Variants in RELCH observed in about 807,000 individuals in gnomAD.
RELCH encodes RAB11-binding protein RELCH.
A neutral mutation model predicts 150.3 loss-of-function variants in RELCH; 41 were observed. The observed-to-expected ratio is 0.27, with a 90% CI of 0.21 to 0.35. RELCH has a LOEUF of 0.35. RELCH is among the 10% of genes least tolerant of loss of function. RELCH has a pLI of 1.00. For missense variants in RELCH, 1,092 were observed against 1,467.8 expected (o/e 0.74, Z 4.18); for synonymous variants, 478 against 531.8 (o/e 0.90, Z 1.39).
intron 13 of RELCH, among the ~76,000 whole-genome samples, chr18:62,256,230 G>C (rs944156675): frequency 6.6e-6 from 1 of 151,852 alleles, no homozygotes; most frequent in Non-Finnish European, 1.5e-5. Context: ...TGGTTTTTCA[G>C]ACTTGGGTAT....
intron 16 of RELCH, 41 bp downstream of exon 16, chr18:62,261,699 G>A (rs2043280590): frequency 6.4e-7 from 1 of 1,554,958 alleles, no homozygotes; most frequent in East Asian, 2.3e-5. Context: ...TAGAATATTA[G>A]CAGCCTAGCT....
chr18:62,211,142 C>T lies in RELCH; in HGVS notation c.527-11C>T. On this transcript the variant is annotated splice_polypyrimidine_tract_variant and intron_variant, in intron 1 of 28. Coordinates refer to ENST00000644646, the MANE Select transcript of RELCH (RefSeq NM_001346231.2). Reference sequence around the variant, plus strand: ...TAAATTAAAAAACTTTTATATTTCTCTTTATTATAGATCGAGCTGGGAGCA... The same window carrying T: ...TAAATTAAAAAACTTTTATATTTCTTTTTATTATAGATCGAGCTGGGAGCA... 6.8e-7 allele frequency: 1 copy of T among 1,478,546 alleles called. No homozygotes were observed. The allele number at this position is 1,478,546 out of a possible 1,614,324, so 91.6% of individuals were successfully genotyped here.
intron 1 of RELCH, among the ~76,000 whole-genome samples, chr18:62,202,999 T>C (rs1232381682): frequency 2.0e-5 from 3 of 152,166 alleles, no homozygotes; most frequent in African/African-American, 7.2e-5. Context: ...AGCCACGACA[T>C]GGGCCTAAGA....
rs199618090 is a variant in RELCH, at chr18:62,221,128, T to C, written c.688+20T>C. 3.7e-4 allele frequency: 603 copies of C among 1,610,974 alleles called. 1 individual carries two copies. Among genetic ancestry groups the C allele is most frequent in the Non-Finnish European group, 4.8e-4 (568 of 1,177,752 alleles). Reference sequence around the variant, plus strand: ...CCGCAGGTGGTGTACATAAAACTTTTTTGAGACTTTTCAACTTTGACAATG... The same window carrying C: ...CCGCAGGTGGTGTACATAAAACTTTCTTGAGACTTTTCAACTTTGACAATG... On this transcript the variant is annotated intron_variant, in intron 3 of 28. Transcript: ENST00000644646.
chr18:62,239,650 A>G (rs985185250), intron 10 of RELCH, among the ~76,000 whole-genome samples: 46 of 151,944 alleles, frequency 3.0e-4, no homozygotes, highest in African/African-American at 1.1e-3. Flanking sequence ...GATCTTTTCA[A>G]TTGGAGCACA....
chr18:62,239,167 C>G (rs1278954563), intron 10 of RELCH, among the ~76,000 whole-genome samples: 2 of 152,076 alleles, frequency 1.3e-5, no homozygotes, highest in Non-Finnish European at 2.9e-5. Flanking sequence ...GTGAGTACAT[C>G]ACATTTCTTT....
chr18:62,303,405 G>A (rs939913267), intron 28 of RELCH, among the ~76,000 whole-genome samples: 6 of 152,118 alleles, frequency 3.9e-5, no homozygotes, highest in Non-Finnish European at 5.9e-5. Flanking sequence ...TCTTCTTCAA[G>A]CCAAATATTC....
At chr18:62,215,948 C>T (rs1275596904) in intron 2 of RELCH, among the ~76,000 whole-genome samples, 5 of 152,038 alleles carry the variant, frequency 3.3e-5, no homozygotes, top group African/African-American at 7.2e-5. Context: ...ATTTAGTTTT[C>T]ATATGAAGCA....
At position 62,232,438 on chromosome 18, in the gene RELCH, T is replaced by C. The variant is rs2041639686; in HGVS notation, c.1620+11T>C. Reference sequence around the variant, plus strand: ...TTGGCAAAGAGAGAGGTAAGACACATGAAAGTATTTTCGTCCCAGTAATCC... The same window carrying C: ...TTGGCAAAGAGAGAGGTAAGACACACGAAAGTATTTTCGTCCCAGTAATCC... On this transcript the variant is annotated intron_variant, in intron 10 of 28. Transcript: ENST00000644646. The C allele has an allele frequency of 2.6e-6, 4 of 1,541,866 alleles. No homozygotes were observed. Among genetic ancestry groups the C allele is most frequent in the Non-Finnish European group, 2.7e-6 (3 of 1,115,672 alleles).
intron 11 of RELCH, chr18:62,245,928 G>A (rs55870811): frequency 0.27 from 40,636 of 151,946 alleles, 5,938 homozygotes; most frequent in Middle Eastern, 0.46. Context: ...ACTAGAAAAC[G>A]GCTCTTCTCC....
intron 4 of RELCH, 47 bp downstream of exon 4, chr18:62,221,321 G>C: frequency 5.2e-6 from 8 of 1,551,398 alleles, no homozygotes; most frequent in Non-Finnish European, 7.1e-6. Context: ...ACATTAAATG[G>C]TAACATAAAT....
intron 1 of RELCH, among the ~76,000 whole-genome samples, chr18:62,200,498 A>G (rs913167812): frequency 2.6e-5 from 4 of 152,038 alleles, no homozygotes; most frequent in African/African-American, 4.8e-5. Context: ...TTGGAGAGGA[A>G]TTGAGGATCA....
chr18:62,190,901 A>G (rs1010240009), intron 1 of RELCH, among the ~76,000 whole-genome samples: 1 of 152,262 alleles, frequency 6.6e-6, no homozygotes, highest in Non-Finnish European at 1.5e-5. Context: ...AGGGGAGGGC[A>G]TAATTGCCCC....
chr18:62,190,573 T>C lies in RELCH; in HGVS notation c.526+2542T>C, dbSNP rs189530788. 2.1e-3 allele frequency among the ~76,000 whole-genome samples: 315 copies of C among 152,168 alleles called. 4 individuals are homozygous for C. Among genetic ancestry groups the C allele is most frequent in the African/African-American group, 7.3e-3 (305 of 41,508 alleles). ...GCCTGGGCGACAGAGCAAGACTCCA[T>C]CTCAAAAATAAATAAATAAATAAAA... is the stretch of plus-strand genomic sequence containing the variant. On this transcript the variant is annotated intron_variant, in intron 1 of 28. Coordinates refer to ENST00000644646, the MANE Select transcript of RELCH (RefSeq NM_001346231.2).
In RELCH at chr18:62,296,898, A is replaced by G. The variant is rs542525747; in HGVS notation, c.3460-1892A>G. 1.3e-4 allele frequency among the ~76,000 whole-genome samples: 20 copies of G among 152,302 alleles called. 1 individual carries two copies. In the Middle Eastern group the frequency reaches 0.014, roughly 104 times the overall value. On this transcript the variant is annotated intron_variant, in intron 27 of 28. Transcript: ENST00000644646. ...GGTTATGTTGAATACTTCCTTTTAT[A>G]TGTAGCTGGATTAAGTTTGCTAGTA...
At chr18:62,254,716 G>T (rs986665673) in intron 12 of RELCH, 1 of 151,848 alleles carries the variant, frequency 6.6e-6, no homozygotes, top group African/African-American at 2.4e-5. Context: ...AATGAATTAT[G>T]TCACCTTTTC....
At chr18:62,207,887 A>T (rs1265748888) in intron 1 of RELCH, among the ~76,000 whole-genome samples, 1 of 152,190 alleles carries the variant, frequency 6.6e-6, no homozygotes, top group Non-Finnish European at 1.5e-5. Flanking sequence ...AATTTTGGAC[A>T]TTTTATATGA....
chr18:62,210,199 G>T (rs1326596573), intron 1 of RELCH, among the ~76,000 whole-genome samples: 1 of 151,930 alleles, frequency 6.6e-6, no homozygotes. Flanking sequence ...CTAAATTTTT[G>T]GTTTTTCGCT....
At chr18:62,267,483 T>C (rs1172897861) in intron 19 of RELCH, among the ~76,000 whole-genome samples, 17 of 79,392 alleles carry the variant, frequency 2.1e-4, no homozygotes, top group East Asian at 1.9e-3. Context: ...TCTAGGTATA[T>C]ATGTGTGTGT....
Sources: allele counts gnomAD v4.1 joint callset (sites outside exome capture counted in the v4.1 genomes callset), GRCh38; gene constraint gnomAD v4.1.1; transcripts MANE v1.5; gene names NCBI Gene and HGNC (gene_info 2026-07-23, HGNC 2026-07-21).